The following HUWE1 variants were observed in gnomAD, a reference collection of about 807,000 sequenced individuals.
HUWE1 encodes the protein E3 ubiquitin-protein ligase HUWE1.
A neutral mutation model predicts 299.4 loss-of-function variants in HUWE1; 18 were observed. The observed-to-expected ratio is 0.06, with a 90% CI of 0.04 to 0.09. The LOEUF (loss-of-function observed/expected upper bound fraction) is 0.09, where lower values mean the gene tolerates loss of function less well. HUWE1 is among the 10% of genes least tolerant of loss of function. The pLI, the probability that HUWE1 is intolerant of heterozygous loss-of-function variation, is 1.00. For missense variants in HUWE1, 1,832 were observed against 3,462.3 expected, an observed-to-expected ratio of 0.53 and a Z score of 11.82; for synonymous variants, 1,317 against 1,286.1, an observed-to-expected ratio of 1.02 and a Z score of -0.51.
rs1603281888 is a variant in HUWE1 at position 53,684,120 on chromosome X, C to G, written c.-163+2150G>C. 1.1e-5 allele frequency: 3 copies of G among 263,347 alleles called. No individual in the cohort carries two copies. In the East Asian group the frequency reaches 1.6e-4, roughly 14 times the overall value. 21.7% of individuals were successfully genotyped at this position (263,347 alleles called of 1,213,427 possible). A position where few individuals can be genotyped will look rare whatever the true frequency, so the allele number is the denominator to read the frequency against. On this transcript the variant is annotated intron_variant, in intron 2 of 83. Coordinates refer to ENST00000262854, the MANE Select transcript of HUWE1 (RefSeq NM_031407.7). ...GAAGTAGCTACAGCTTCACCCTACG[C>G]GAAGCGAAAAGCAAATGACGCACAA...
intron 3 of HUWE1, among the ~76,000 whole-genome samples, chrX:53,661,571 T>TA (rs1359105360): frequency 2.1e-4 from 23 of 110,381 alleles, no homozygotes; most frequent in South Asian, 1.1e-3. Flanking sequence ...CTATTACATT[T>TA]AAAAAAAAAT....
Position 53,534,108 on chromosome X carries a change from G to A in HUWE1, c.12921C>T (p.Pro4307=), listed in dbSNP as rs782207753. The A allele has an allele frequency of 3.3e-6, 4 of 1,210,113 alleles. No individual in the cohort carries two copies. Among genetic ancestry groups the A allele is most frequent in the Admixed American group, 2.2e-5 (1 of 46,012 alleles). ...LQFVTGTSKV[P]LQGFAALEGM... Reference sequence around the variant, plus strand: ...CTTCGAGGGCAGCAAAGCCTTGCAGGGGTACCTTGGAAGTACCTGTGACAA... The same window carrying A: ...CTTCGAGGGCAGCAAAGCCTTGCAGAGGTACCTTGGAAGTACCTGTGACAA... Residue 4307 remains proline, a synonymous_variant, in exon 83 of 84, where the codon CCC becomes CCT. Coordinates refer to ENST00000262854, the MANE Select transcript of HUWE1 (RefSeq NM_031407.7).
At chrX:53,604,521 G>T in intron 26 of HUWE1, 68 bp downstream of exon 26, 1 of 1,116,179 alleles carries the variant, frequency 9.0e-7, no homozygotes, top group Non-Finnish European at 1.2e-6. Context: ...TAGTAACCCT[G>T]CTAGGTGTAT....
intron 81 of HUWE1, 99 bp downstream of exon 81, chrX:53,535,285 T>C (rs2060989212): frequency 8.4e-6 from 5 of 592,561 alleles, no homozygotes; most frequent in Non-Finnish European, 1.5e-5. Flanking sequence ...CATTTGTGGC[T>C]CTGTCATAGC....
At chrX:53,681,305 G>A (rs887059817) in intron 2 of HUWE1, among the ~76,000 whole-genome samples, 2 of 108,769 alleles carry the variant, frequency 1.8e-5, no homozygotes, top group Non-Finnish European at 3.8e-5. Flanking sequence ...ATGGTGGCGC[G>A]CGCCTGTAGT....
intron 3 of HUWE1, among the ~76,000 whole-genome samples, chrX:53,656,770 G>A (rs1181759682): frequency 9.0e-6 from 1 of 110,570 alleles, no homozygotes; most frequent in Non-Finnish European, 1.9e-5. Flanking sequence ...AAAAGAGGGA[G>A]GAATTGAATT....
rs1556998064 is a variant in HUWE1 at position 53,607,713 on chromosome X, ATTT to A, written c.2320-17_2320-15del. On this transcript the variant is annotated splice_polypyrimidine_tract_variant and intron_variant, in intron 24 of 83. Coordinates refer to ENST00000262854, the MANE Select transcript of HUWE1 (RefSeq NM_031407.7). ...CACAAATTTCATCTAGGTAATAAAA[ATTT>A]TTTAAAGAAGTTAGAGCCTGACAGG... 2 of 1,152,879 alleles carry A rather than the reference ATTT, an allele frequency of 1.7e-6. No individual in the cohort carries two copies. Among genetic ancestry groups the A allele is most frequent in the East Asian group, 6.1e-5 (2 of 33,005 alleles).
rs1556955403 is a variant in HUWE1, at chrX:53,573,900, T to C, written c.6162A>G (p.Glu2054=). The C allele has an allele frequency of 8.3e-7, 1 of 1,211,620 alleles. No homozygotes were observed. Among genetic ancestry groups the C allele is most frequent in the Non-Finnish European group, 1.1e-6 (1 of 895,353 alleles). The change falls in exon 47 of 84, where the codon GAA becomes GAG. Residue 2054 remains glutamate (E), a synonymous_variant. Transcript: ENST00000262854. The part of the protein sequence containing the change: ...KDKEGDRASE[E]GKQKGKGSKP... ...TGCTGCCCTTGCCTTTCTGTTTGCC[T>C]TCCTCAGAGGCCCGGTCCCCTTCTT...
At chrX:53,608,739 A>T in intron 24 of HUWE1, 113 bp downstream of exon 24, 1 of 577,096 alleles carries the variant, frequency 1.7e-6, no homozygotes, top group Non-Finnish European at 3.1e-6. Flanking sequence ...TTCCCCTCTT[A>T]ATTGGATTCC....
At chrX:53,684,789 T>C (rs2070379453) in intron 2 of HUWE1, among the ~76,000 whole-genome samples, 1 of 112,202 alleles carries the variant, frequency 8.9e-6, no homozygotes, top group Non-Finnish European at 1.9e-5. Context: ...ACCTACATTA[T>C]CCAGACTCCT....
intron 61 of HUWE1, among the ~76,000 whole-genome samples, chrX:53,553,767 A>C (rs1450168092): frequency 1.8e-5 from 2 of 109,720 alleles, no homozygotes; most frequent in Non-Finnish European, 3.8e-5. Flanking sequence ...CCAAGACCAC[A>C]CCACTGCACT....
At chrX:53,585,245 T>C (rs960256183) in intron 39 of HUWE1, 57 bp from the exon 40 acceptor site, 14 of 1,120,154 alleles carry the variant, frequency 1.2e-5, no homozygotes, top group East Asian at 6.0e-5. Flanking sequence ...TTAGAAGAAA[T>C]AGTAACTTCA....
chrX:53,589,226 G>T (rs1370839112), intron 36 of HUWE1, among the ~76,000 whole-genome samples: 4 of 112,085 alleles, frequency 3.6e-5, no homozygotes, highest in African/African-American at 6.5e-5. Flanking sequence ...GGACTCAGTT[G>T]TTCAAGCGGC....
intron 47 of HUWE1, 129 bp downstream of exon 47, chrX:53,573,621 G>C: frequency 1.7e-6 from 1 of 573,403 alleles, no homozygotes; most frequent in South Asian, 2.6e-5. Context: ...CATGTCTGAA[G>C]ATGCCTCTTC....
At chrX:53,599,683 C>T (rs1236380191) in intron 29 of HUWE1, among the ~76,000 whole-genome samples, 3 of 111,859 alleles carry the variant, frequency 2.7e-5, no homozygotes, top group South Asian at 3.8e-4. Flanking sequence ...GATAGTTATC[C>T]GAGAATCAAG....
rs1246834896 is a variant in HUWE1, at chrX:53,645,750, T to C, written c.352-287A>G. Among the ~76,000 whole-genome samples the C allele has an allele frequency of 0.013, 830 of 64,261 alleles. 40 individuals are homozygous for C. Among genetic ancestry groups the C allele is most frequent in the Non-Finnish European group, 0.017 (639 of 36,617 alleles). The allele number at this position is 64,261 out of a possible 115,157, so 55.8% of individuals were successfully genotyped here. ...AAAAAAAAAAAAATATATATATATA[T>C]ATATATATATATATATATATATATA... is the stretch of plus-strand genomic sequence containing the variant. On this transcript the variant is annotated intron_variant, in intron 6 of 83. Transcript: ENST00000262854.
chrX:53,593,923 C>G (rs2064302484), intron 31 of HUWE1, among the ~76,000 whole-genome samples: 1 of 110,337 alleles, frequency 9.1e-6, no homozygotes, highest in Non-Finnish European at 1.9e-5. Context: ...ACAGTGAAAC[C>G]TCGTCTCTAC....
Position 53,548,967 on chromosome X carries a change from A to G in HUWE1, c.10027T>C (p.Leu3343=), listed in dbSNP as rs782353673. The change falls in exon 67 of 84, where the codon TTG becomes CTG. Residue 3343 remains leucine, a synonymous_variant. Coordinates refer to ENST00000262854, the MANE Select transcript of HUWE1 (RefSeq NM_031407.7). ...GGGTTTGAAACCCTCACCTTGGCCA[A>G]TTGAATGAGTGTATCCAAAACGTGT... ...CRHVLDTLIQ[L]AKVFPSHFTQ... The G allele has an allele frequency of 1.1e-5, 13 of 1,195,437 alleles. No individual in the cohort carries two copies. The highest frequency in any genetic ancestry group is 2.3e-5 in the Admixed American group (1 of 43,657).
intron 3 of HUWE1, among the ~76,000 whole-genome samples, chrX:53,661,323 G>A (rs907083930): frequency 1.8e-5 from 2 of 111,873 alleles, no homozygotes; most frequent in East Asian, 2.8e-4. Context: ...CGTGAGCCAC[G>A]GCACCCAGCC....
Sources: gnomAD v4.1 joint callset for allele counts (sites outside exome capture counted in the v4.1 genomes callset) on GRCh38, gnomAD v4.1.1 for gene constraint, MANE v1.5 for transcripts, NCBI Gene and HGNC (gene_info 2026-07-23, HGNC 2026-07-21) for gene names.